Variants in SLC20A2 observed in about 807,000 individuals in gnomAD.
SLC20A2 encodes solute carrier family 20 member 2.
SLC20A2 carries 30 observed loss-of-function variants against 61.0 expected under a neutral mutation model. That is an observed-to-expected ratio of 0.49 (90% confidence interval 0.37 to 0.67). The LOEUF is 0.67. Among genes scored for constraint, SLC20A2 ranks in the 30% least tolerant of loss-of-function variants. The pLI is 0.00. For missense variants in SLC20A2, 626 were observed against 866.4 expected, an observed-to-expected ratio of 0.72 and a Z score of 3.48; for synonymous variants, 351 against 353.3, an observed-to-expected ratio of 0.99 and a Z score of 0.07.
rs779533625 is a variant in SLC20A2, at chr8:42,439,442, C to T, written c.934+8G>A. 6.2e-6 allele frequency: 10 copies of T among 1,612,678 alleles called. No individual in the cohort carries two copies. The South Asian group carries it at 6.6e-5, about 11-fold the overall frequency. On this transcript the variant is annotated splice_region_variant and intron_variant, in intron 7 of 10. Transcript: ENST00000520262. ...CCACAGAACCCAAGCTCTCCAGGCA[C>T]ATCTTACCGTATGCAGCCCGAGGGT...
chr8:42,530,939 C>T (rs530079146), intron 1 of SLC20A2, among the ~76,000 whole-genome samples: 7 of 152,114 alleles, frequency 4.6e-5, no homozygotes, highest in African/African-American at 9.7e-5. Context: ...AGGCTGGTCT[C>T]GAACTCCTGA....
In SLC20A2 at chr8:42,465,863, G is replaced by A. The variant is rs775911275; in HGVS notation, c.344C>T (p.Thr115Met). ...ASFLRLPISG[T>M]HCIVGSTIGF... ...TATAGTAGAACCCACAATGCAGTGC[G>A]TTCCTGAGATTGGAAGCCTCAGGAA... The change falls in exon 3 of 11, where the codon ACG (threonine) becomes ATG (methionine). Residue 115 changes from threonine to methionine, a missense_variant. By Grantham distance (81) the Thr-to-Met change is moderately conservative (BLOSUM62 -1). Around this residue, in one of 3 missense-constraint regions of SLC20A2, gnomAD observed 127 missense variants for 215.4 expected, o/e 0.59. Transcript: ENST00000520262. 4 of 1,613,614 alleles carry A rather than the reference G, an allele frequency of 2.5e-6. No homozygotes were observed. Among genetic ancestry groups the A allele is most frequent in the Non-Finnish European group, 2.5e-6 (3 of 1,179,840 alleles).
At chr8:42,423,751 A>C (rs1411716596) in intron 10 of SLC20A2, among the ~76,000 whole-genome samples, 3 of 152,202 alleles carry the variant, frequency 2.0e-5, no homozygotes, top group Non-Finnish European at 4.4e-5. Flanking sequence ...TATTTGATTC[A>C]TAAAAGATCC....
chr8:42,520,008 C>CT (rs557576151), intron 1 of SLC20A2, among the ~76,000 whole-genome samples: 3,487 of 102,662 alleles, frequency 0.034, 211 homozygotes, highest in African/African-American at 0.11. Context: ...TTATGCTAAT[C>CT]TTTTTTTTTT....
intron 1 of SLC20A2, among the ~76,000 whole-genome samples, chr8:42,483,712 A>G (rs897280379): frequency 1.3e-5 from 2 of 152,262 alleles, no homozygotes; most frequent in Non-Finnish European, 2.9e-5. Context: ...AAATAGGTAG[A>G]TATTCGTGAG....
At chr8:42,476,395 G>A (rs897066065) in intron 1 of SLC20A2, among the ~76,000 whole-genome samples, 11 of 152,076 alleles carry the variant, frequency 7.2e-5, no homozygotes, top group African/African-American at 2.7e-4. Flanking sequence ...GAGCCACCGT[G>A]CCCGGCCGGT....
At position 42,464,092 on chromosome 8, in the gene SLC20A2, C is replaced by CT. The variant is rs1170751054; in HGVS notation, c.431-1003dup. On this transcript the variant is annotated intron_variant, in intron 3 of 10. Coordinates refer to ENST00000520262, the MANE Select transcript of SLC20A2 (RefSeq NM_001257180.2). ...CTTCCCAAAGGGCAGGCTGGATGAT[C>CT]TTTTTTTTTTTTTTTTTTTTTTTTT... is the stretch of plus-strand genomic sequence containing the variant. Among the ~76,000 whole-genome samples the CT allele has an allele frequency of 5.4e-3, 110 of 20,546 alleles. 34 individuals are homozygous for CT. The highest frequency in any genetic ancestry group is 0.062 in the Middle Eastern group (1 of 16). 13.5% of individuals were successfully genotyped at this position (20,546 alleles called of 152,430 possible). A position where few individuals can be genotyped will look rare whatever the true frequency, so the allele number is the denominator to read the frequency against.
chr8:42,531,106 G>A (rs995918862), intron 1 of SLC20A2, among the ~76,000 whole-genome samples: 24 of 152,240 alleles, frequency 1.6e-4, no homozygotes, highest in African/African-American at 4.8e-4. Context: ...TATCATTCAC[G>A]TATTAATATT....
intron 5 of SLC20A2, among the ~76,000 whole-genome samples, chr8:42,451,614 T>G (rs970065011): frequency 3.5e-4 from 27 of 78,112 alleles, no homozygotes; most frequent in East Asian, 8.0e-4. Context: ...GAGGAAGAGA[T>G]GAAGAGGAGG....
intron 2 of SLC20A2, among the ~76,000 whole-genome samples, chr8:42,471,467 C>T (rs923369820): frequency 3.3e-5 from 5 of 151,958 alleles, no homozygotes; most frequent in African/African-American, 9.7e-5. Context: ...ATTTTTTGGC[C>T]GGAAAACAAA....
At chr8:42,459,257 A>AAAAAT (rs1563482766) in intron 5 of SLC20A2, among the ~76,000 whole-genome samples, 9 of 150,846 alleles carry the variant, frequency 6.0e-5, no homozygotes, top group African/African-American at 2.0e-4. Context: ...AAAAAAAAAA[A>AAAAAT]AACATAAAAA....
chr8:42,525,097 T>C (rs776202818), intron 1 of SLC20A2, among the ~76,000 whole-genome samples: 19 of 152,290 alleles, frequency 1.2e-4, no homozygotes, highest in East Asian at 1.9e-4. Flanking sequence ...AAGGCACAGG[T>C]GTCTCAGACA....
At chr8:42,480,094 C>A (rs3810900) in intron 1 of SLC20A2, among the ~76,000 whole-genome samples, 3 of 152,156 alleles carry the variant, frequency 2.0e-5, no homozygotes, top group Non-Finnish European at 4.4e-5. Flanking sequence ...AAGGCAACTT[C>A]TTCTAAAAGA....
At chr8:42,438,968 C>T (rs1055432654) in intron 7 of SLC20A2, among the ~76,000 whole-genome samples, 31 of 152,294 alleles carry the variant, frequency 2.0e-4, no homozygotes, top group South Asian at 4.1e-4. Flanking sequence ...CCATCCACCT[C>T]GGCCTCCCAA....
chr8:42,449,925 A>G (rs532857977), intron 5 of SLC20A2, among the ~76,000 whole-genome samples: 2 of 152,338 alleles, frequency 1.3e-5, no homozygotes, highest in Non-Finnish European at 2.9e-5. Flanking sequence ...TGTTTGTCAC[A>G]TAACAATATG....
At chr8:42,447,403 T>C (rs141372662) in intron 5 of SLC20A2, among the ~76,000 whole-genome samples, 3,904 of 148,010 alleles carry the variant, frequency 0.026, 84 homozygotes, top group East Asian at 0.086. Flanking sequence ...TTGGGCTGGG[T>C]GCGGTGGCTC....
chr8:42,438,650 G>A (rs1804532490), intron 7 of SLC20A2, among the ~76,000 whole-genome samples: 1 of 152,198 alleles, frequency 6.6e-6, no homozygotes, highest in South Asian at 2.1e-4. Flanking sequence ...GTGAAGCTGT[G>A]CTCCCCTGGC....
intron 10 of SLC20A2, among the ~76,000 whole-genome samples, chr8:42,421,303 CTA>C (rs138217111): frequency 3.9e-5 from 6 of 152,298 alleles, no homozygotes; most frequent in African/African-American, 1.4e-4. Flanking sequence ...GTAGCTGGGA[CTA>C]TAAGAACACA....
upstream of SLC20A2, among the ~76,000 whole-genome samples, chr8:42,503,868 A>G (rs1810471721): frequency 6.6e-6 from 1 of 152,224 alleles, no homozygotes; most frequent in African/African-American, 2.4e-5. Context: ...AAGAAACATC[A>G]ACTAAATACT....
Sources: allele counts gnomAD v4.1 joint callset (sites outside exome capture counted in the v4.1 genomes callset), GRCh38; gene constraint gnomAD v4.1.1; regional missense constraint gnomAD v4.1.1; transcripts MANE v1.5; gene names NCBI Gene and HGNC (gene_info 2026-07-23, HGNC 2026-07-21).